Variants in GOLM1 observed in about 807,000 individuals in gnomAD.
GOLM1 encodes golgi membrane protein 1.
A neutral mutation model predicts 50.5 loss-of-function variants in GOLM1; 31 were observed. The observed-to-expected ratio is 0.61, with a 90% CI of 0.46 to 0.83. The LOEUF (loss-of-function observed/expected upper bound fraction) is 0.83, where lower values mean the gene tolerates loss of function less well. Among genes scored for constraint, GOLM1 ranks in the 40% least tolerant of loss-of-function variants. GOLM1 has a pLI of 0.00. For synonymous variants in GOLM1, 178 were observed against 192.8 expected (o/e 0.92, Z 0.64); for missense variants, 491 against 501.3 (o/e 0.98, Z 0.20).
chr9:86,098,970 A>G (rs1355797406), intron 1 of GOLM1, among the ~76,000 whole-genome samples: 1 of 152,012 alleles, frequency 6.6e-6, no homozygotes, highest in Non-Finnish European at 1.5e-5. Flanking sequence ...GAGCCGAGAG[A>G]CTCGCGGCTC....
chr9:86,052,585 A>G lies in GOLM1; in HGVS notation c.316T>C (p.Leu106=), dbSNP rs1246119101. ...TCACCTGTGGTGATGTTATTCACCA[A>G]AACCGCCTGCAACGAAGATAAACTC... The part of the protein sequence containing the change: ...NKLYQDEKAV[L]VNNITTGERL... Residue 106 remains leucine, a synonymous_variant, in exon 4 of 10, where the codon TTG becomes CTG. Transcript: ENST00000388712. The G allele has an allele frequency of 1.9e-6, 3 of 1,613,430 alleles. No homozygotes were observed. The highest frequency in any genetic ancestry group is 2.2e-5 in the South Asian group (2 of 91,082).
chr9:86,099,256 G>A (rs1425118983), intron 1 of GOLM1, among the ~76,000 whole-genome samples, 155 bp downstream of exon 1: 2 of 151,900 alleles, frequency 1.3e-5, no homozygotes, highest in Non-Finnish European at 2.9e-5. Flanking sequence ...AGCCCCGAGC[G>A]CAGCCAGCGA....
intron 4 of GOLM1, among the ~76,000 whole-genome samples, chr9:86,050,037 T>A (rs1177518427): frequency 2.6e-5 from 4 of 152,302 alleles, no homozygotes; most frequent in African/African-American, 9.6e-5. Context: ...TTGAGATACG[T>A]CCCATCAATA....
intron 3 of GOLM1, among the ~76,000 whole-genome samples, chr9:86,063,581 C>A (rs976732741): frequency 6.6e-6 from 1 of 152,208 alleles, no homozygotes; most frequent in Non-Finnish European, 1.5e-5. Context: ...CAGATCCCTG[C>A]CAGAGACGGT....
At chr9:86,085,641 C>T (rs1834935997) in intron 1 of GOLM1, among the ~76,000 whole-genome samples, 1 of 152,060 alleles carries the variant, frequency 6.6e-6, no homozygotes, top group African/African-American at 2.4e-5. Context: ...AGTTCCCCAC[C>T]CCACCACAGG....
chr9:86,074,091 G>C (rs1834533845), intron 3 of GOLM1, among the ~76,000 whole-genome samples: 1 of 152,042 alleles, frequency 6.6e-6, no homozygotes, highest in Non-Finnish European at 1.5e-5. Flanking sequence ...GAAATCTCTA[G>C]GTCAGGTGTC....
At position 86,056,885 on chromosome 9, in the gene GOLM1, C is replaced by T. The variant is rs1587716149; in HGVS notation, c.310-4294G>A. On this transcript the variant is annotated intron_variant, in intron 3 of 9. Transcript: ENST00000388712. ...GCGCTATCATAGCTCACTGCAGCCC[C>T]CAGCTCCTGTCCTCAAGTAATCCTC... is the stretch of plus-strand genomic sequence containing the variant. Among the ~76,000 whole-genome samples the T allele has an allele frequency of 2.0e-5, 3 of 152,282 alleles. No individual in the cohort carries two copies. The Middle Eastern group carries it at 0.01, about 518-fold the overall frequency.
intron 5 of GOLM1, among the ~76,000 whole-genome samples, chr9:86,043,073 T>C (rs1343334092): frequency 6.6e-6 from 1 of 152,182 alleles, no homozygotes; most frequent in Non-Finnish European, 1.5e-5. Flanking sequence ...CAAGGATCTA[T>C]CAGGGCAGGT....
intron 5 of GOLM1, among the ~76,000 whole-genome samples, chr9:86,045,671 CAAGAA>C (rs1833514115): frequency 8.2e-6 from 1 of 121,740 alleles, no homozygotes; most frequent in Non-Finnish European, 1.6e-5. Context: ...AGACTCCGCT[CAAGAA>C]AAAAAAAAAA....
intron 3 of GOLM1, among the ~76,000 whole-genome samples, chr9:86,068,099 T>C (rs1405563592): frequency 6.6e-6 from 1 of 152,148 alleles, no homozygotes; most frequent in Admixed American, 6.5e-5. Flanking sequence ...AGGTGGGCCC[T>C]ATCCAATATG....
At chr9:86,037,233 G>A (rs1406874199) in intron 6 of GOLM1, among the ~76,000 whole-genome samples, 1 of 152,110 alleles carries the variant, frequency 6.6e-6, no homozygotes, top group African/African-American at 2.4e-5. Context: ...TTGCCAACAT[G>A]GTGAAACCCC....
chr9:86,057,608 G>A (rs565345596), intron 3 of GOLM1, among the ~76,000 whole-genome samples: 4 of 151,396 alleles, frequency 2.6e-5, no homozygotes, highest in South Asian at 2.1e-4. Flanking sequence ...CTTGCCTAGC[G>A]TGGGGCCTGG....
chr9:86,097,988 T>G (rs890147356), intron 1 of GOLM1, among the ~76,000 whole-genome samples: 2 of 152,162 alleles, frequency 1.3e-5, no homozygotes, highest in Non-Finnish European at 1.5e-5. Context: ...CCCTGGCCCT[T>G]AATATCCAAG....
intron 1 of GOLM1, among the ~76,000 whole-genome samples, chr9:86,094,099 T>C (rs1835275427): frequency 6.6e-6 from 1 of 152,092 alleles, no homozygotes. Flanking sequence ...TATTCCACCC[T>C]GTCCCAAGAA....
intron 3 of GOLM1, among the ~76,000 whole-genome samples, chr9:86,063,172 G>A (rs148654370): frequency 5.3e-5 from 8 of 152,242 alleles, no homozygotes; most frequent in Non-Finnish European, 1.2e-4. Context: ...CTCCAGCTCC[G>A]TTTTTAGAGG....
intron 8 of GOLM1, among the ~76,000 whole-genome samples, chr9:86,034,450 T>TA (rs1833074015): frequency 1.3e-5 from 2 of 152,280 alleles, no homozygotes; most frequent in South Asian, 4.1e-4. Flanking sequence ...CCACCTTTGT[T>TA]ACGCTTTGTG....
chr9:86,060,875 TCAAAAAAAAAAAAAAAAAA>T (rs1834134916), intron 3 of GOLM1, among the ~76,000 whole-genome samples: 1 of 12,290 alleles, frequency 8.1e-5, no homozygotes, highest in Admixed American at 2.1e-3. Context: ...CGAAACTCTC[TCAAAAAAAAAAAAAAAAAA>T]AAAAAAAAAA....
chr9:86,034,636 G>T (rs1207771757), intron 8 of GOLM1, among the ~76,000 whole-genome samples: 1 of 152,214 alleles, frequency 6.6e-6, no homozygotes, highest in Non-Finnish European at 1.5e-5. Flanking sequence ...AACTTGGAAG[G>T]ACACGTTCTT....
intron 1 of GOLM1, among the ~76,000 whole-genome samples, chr9:86,096,751 C>T (rs534569070): frequency 3.3e-5 from 5 of 152,192 alleles, no homozygotes; most frequent in East Asian, 1.9e-4. Flanking sequence ...CAAATCCAGC[C>T]CTATGTGTAT....
Sources: allele counts gnomAD v4.1 joint callset (sites outside exome capture counted in the v4.1 genomes callset), GRCh38; gene constraint gnomAD v4.1.1; transcripts MANE v1.5; gene names NCBI Gene and HGNC (gene_info 2026-07-23, HGNC 2026-07-21).